WDR49: variants seen among roughly 807,000 people sequenced by gnomAD.
WDR49 encodes cilia- and flagella-associated protein 337.
A neutral mutation model predicts 119.5 loss-of-function variants in WDR49; 107 were observed. The ratio of observed to expected loss-of-function variants is 0.90; its 90% CI spans 0.77 to 1.05. The LOEUF (loss-of-function observed/expected upper bound fraction) is 1.05. WDR49 is among the 50% of genes least tolerant of loss of function. WDR49 has a pLI of 0.00. For missense variants in WDR49, 1,240 were observed against 1,220.5 expected (o/e 1.02, Z -0.24); for synonymous variants, 425 against 418.8 (o/e 1.01, Z -0.18).
At chr3:167,605,261 T>C (rs1716001419) in intron 5 of WDR49, among the ~76,000 whole-genome samples, 1 of 152,192 alleles carries the variant, frequency 6.6e-6, no homozygotes, top group Non-Finnish European at 1.5e-5. Context: ...CTAGGATTTA[T>C]TAATTCAAGA....
At chr3:167,557,185 A>C (rs1040713984) in intron 9 of WDR49, among the ~76,000 whole-genome samples, 1 of 152,098 alleles carries the variant, frequency 6.6e-6, no homozygotes, top group African/African-American at 2.4e-5. Context: ...CAACAGAGCA[A>C]GACTCTGTCT....
At chr3:167,480,994 G>T (rs1750698984) in intron 18 of WDR49, among the ~76,000 whole-genome samples, 1 of 150,734 alleles carries the variant, frequency 6.6e-6, no homozygotes, top group South Asian at 2.1e-4. Flanking sequence ...GTCCCCATGG[G>T]TTGTAAAACT....
At chr3:167,564,975 A>G (rs1713509445) in intron 8 of WDR49, among the ~76,000 whole-genome samples, 1 of 151,960 alleles carries the variant, frequency 6.6e-6, no homozygotes, top group Non-Finnish European at 1.5e-5. Context: ...GAGATACTTG[A>G]TTCCATTGCT....
At position 167,633,766 on chromosome 3, in the gene WDR49, T is replaced by C. The variant is rs73173059; in HGVS notation, c.166-6474A>G. On this transcript the variant is annotated intron_variant, in intron 2 of 18. Coordinates refer to ENST00000682715, the MANE Select transcript of WDR49 (RefSeq NM_001366157.1). Reference sequence around the variant, plus strand: ...TAATTTAGTTAATGTCTGGGTTTTATGCCTGGGTTTGACACATAACATTTG... The same window carrying C: ...TAATTTAGTTAATGTCTGGGTTTTACGCCTGGGTTTGACACATAACATTTG... Among the ~76,000 whole-genome samples, 687 of 152,146 alleles carry C rather than the reference T, an allele frequency of 4.5e-3. 2 individuals carry two copies. Among genetic ancestry groups the C allele is most frequent in the Non-Finnish European group, 7.4e-3 (505 of 67,952 alleles).
At chr3:167,638,241 T>C (rs1577294386) in intron 2 of WDR49, among the ~76,000 whole-genome samples, 1 of 151,568 alleles carries the variant, frequency 6.6e-6, no homozygotes, top group Non-Finnish European at 1.5e-5. Flanking sequence ...AATCCTGCAA[T>C]GCTTTTTTCT....
chr3:167,583,058 C>T (rs1714632546), intron 7 of WDR49, among the ~76,000 whole-genome samples: 1 of 151,876 alleles, frequency 6.6e-6, no homozygotes. Context: ...GCCAACATTT[C>T]ATTTAAGGTG....
chr3:167,541,085 T>C (rs1711791454), intron 10 of WDR49, among the ~76,000 whole-genome samples: 1 of 152,108 alleles, frequency 6.6e-6, no homozygotes, highest in Admixed American at 6.6e-5. Flanking sequence ...ATAATTAGTG[T>C]TCCTGAGGAA....
rs559960516 is a variant in WDR49 at position 167,589,847 on chromosome 3, T to C, written c.1275+12280A>G. Among the ~76,000 whole-genome samples the C allele has an allele frequency of 7.2e-5, 11 of 152,180 alleles. No individual in the cohort carries two copies. The East Asian group carries it at 1.9e-3, about 27-fold the overall frequency. ...GAGTGGTTTTTCCAAATACAAGATG[T>C]TATTATCTGCAAATAAGGATAATGT... On this transcript the variant is annotated intron_variant, in intron 7 of 18. Transcript: ENST00000682715.
chr3:167,527,842 G>A lies in WDR49; in HGVS notation c.2582C>T (p.Ala861Val). The change falls in exon 15 of 19, where the codon GCT becomes GTT. Residue 861 changes from alanine (A) to valine (V), a missense_variant. Ala to Val is a moderately conservative substitution (Grantham distance 64, BLOSUM62 0). Transcript: ENST00000682715. ...TACCTGACCAAAGATCCAAACAGGA[G>A]CATTGCAGACACCAGTCACACAAAT... ...CSICVTGVCN[A>V]PVWIFGQAKH... 2 of 1,612,854 alleles carry A rather than the reference G, an allele frequency of 1.2e-6. No individual in the cohort carries two copies. The highest frequency in any genetic ancestry group is 1.1e-5 in the South Asian group (1 of 90,992).
At chr3:167,602,482 G>C (rs1454861170) in intron 6 of WDR49, among the ~76,000 whole-genome samples, 1 of 152,134 alleles carries the variant, frequency 6.6e-6, no homozygotes, top group East Asian at 1.9e-4. Flanking sequence ...GGAGGGATTA[G>C]GGAAGAAAAA....
In WDR49 at chr3:167,551,332, A is replaced by G. The variant is rs115762528; in HGVS notation, c.1823+3318T>C. Among the ~76,000 whole-genome samples, 689 of 152,126 alleles carry G rather than the reference A, an allele frequency of 4.5e-3. 3 individuals are homozygous for G. The highest frequency in any genetic ancestry group is 0.016 in the African/African-American group (653 of 41,524). On this transcript the variant is annotated intron_variant, in intron 10 of 18. Transcript: ENST00000682715. ...GGTGCAATTAAAAAATATATATGGG[A>G]AGGAAAGGGGAAAAAAAGAGAGTAA...
At chr3:167,577,515 T>G (rs528573720) in intron 7 of WDR49, among the ~76,000 whole-genome samples, 57 of 152,160 alleles carry the variant, frequency 3.7e-4, no homozygotes, top group Non-Finnish European at 5.6e-4. Flanking sequence ...CAGGGGGACC[T>G]CCAATAAGTT....
chr3:167,505,890 A>C (rs566182867), intron 16 of WDR49, among the ~76,000 whole-genome samples: 5 of 152,294 alleles, frequency 3.3e-5, no homozygotes, highest in Non-Finnish European at 7.4e-5. Context: ...CTATAAGAAA[A>C]TTTTAGCGTA....
At chr3:167,486,739 C>G (rs773304357) in intron 18 of WDR49, among the ~76,000 whole-genome samples, 2 of 151,966 alleles carry the variant, frequency 1.3e-5, no homozygotes, top group African/African-American at 4.8e-5. Flanking sequence ...AAAACAAGTT[C>G]TTGGCCTATG....
chr3:167,509,377 G>A (rs1560257619), intron 16 of WDR49, among the ~76,000 whole-genome samples: 4 of 152,124 alleles, frequency 2.6e-5, no homozygotes, highest in Admixed American at 2.0e-4. Flanking sequence ...GCTGGGATGT[G>A]TTTCTCTTAA....
chr3:167,550,252 G>A (rs1712473104), intron 10 of WDR49, among the ~76,000 whole-genome samples: 1 of 152,146 alleles, frequency 6.6e-6, no homozygotes, highest in African/African-American at 2.4e-5. Context: ...TAGCTTGCTG[G>A]GGAGGGCATT....
intron 4 of WDR49, 58 bp from the exon 5 acceptor site, chr3:167,620,661 T>G (rs1471027732): frequency 2.8e-6 from 4 of 1,443,474 alleles, no homozygotes; most frequent in Non-Finnish European, 3.6e-6. Context: ...TGCAAGAAGA[T>G]TCTAGGTTAT....
intron 8 of WDR49, among the ~76,000 whole-genome samples, chr3:167,572,581 A>G (rs1039477908): frequency 2.6e-5 from 4 of 152,248 alleles, no homozygotes; most frequent in Non-Finnish European, 5.9e-5. Context: ...AAATGGCAAT[A>G]ATTTATTATG....
At chr3:167,615,424 C>T (rs1309744071) in intron 5 of WDR49, among the ~76,000 whole-genome samples, 2 of 149,256 alleles carry the variant, frequency 1.3e-5, no homozygotes, top group Admixed American at 1.3e-4. Flanking sequence ...GCGTGGACCA[C>T]CACTCCCGGC....
Sources: allele counts gnomAD v4.1 joint callset (sites outside exome capture counted in the v4.1 genomes callset), GRCh38; gene constraint gnomAD v4.1.1; transcripts MANE v1.5; gene names NCBI Gene and HGNC (gene_info 2026-07-23, HGNC 2026-07-21).